Variants in MYO1B observed in about 807,000 individuals in gnomAD.
The protein encoded by MYO1B is unconventional myosin-Ib.
MYO1B carries 72 observed loss-of-function variants against 159.7 expected under a neutral mutation model. The ratio of observed to expected loss-of-function variants is 0.45; its 90% CI spans 0.37 to 0.55. The LOEUF is 0.55. Among genes scored for constraint, MYO1B ranks in the 20% least tolerant of loss-of-function variants. MYO1B has a pLI of 0.00. For missense variants in MYO1B, 1,062 were observed against 1,364.8 expected, an observed-to-expected ratio of 0.78 and a Z score of 3.50; for synonymous variants, 468 against 473.8, an observed-to-expected ratio of 0.99 and a Z score of 0.16.
At chr2:191,284,922 C>G (rs1039652991) in intron 2 of MYO1B, among the ~76,000 whole-genome samples, 1 of 152,164 alleles carries the variant, frequency 6.6e-6, no homozygotes, top group Non-Finnish European at 1.5e-5. Flanking sequence ...GTGTAAGCCA[C>G]CAAGCCTAGC....
intron 26 of MYO1B, among the ~76,000 whole-genome samples, chr2:191,409,852 G>A (rs756291771): frequency 9.2e-5 from 14 of 152,190 alleles, no homozygotes; most frequent in Non-Finnish European, 2.1e-4. Context: ...CAGTTGATAT[G>A]TGGAATGTTA....
chr2:191,415,778 A>G (rs1697526371), intron 29 of MYO1B, among the ~76,000 whole-genome samples: 2 of 152,268 alleles, frequency 1.3e-5, no homozygotes, highest in African/African-American at 4.8e-5. Flanking sequence ...TCAAACCTGA[A>G]TGTGTAAACC....
intron 21 of MYO1B, 120 bp from the exon 22 acceptor site, chr2:191,400,262 T>C: frequency 9.3e-7 from 1 of 1,081,074 alleles, no homozygotes; most frequent in South Asian, 1.3e-5. Context: ...TTCTTTAACC[T>C]GTTGATTTAT....
chr2:191,395,440 G>A (rs1473896851), intron 20 of MYO1B, among the ~76,000 whole-genome samples: 1 of 152,216 alleles, frequency 6.6e-6, no homozygotes, highest in Non-Finnish European at 1.5e-5. Context: ...GCCTGGGAAG[G>A]CATCTCTCCC....
At chr2:191,324,079 G>A (rs182516273) in intron 3 of MYO1B, among the ~76,000 whole-genome samples, 1 of 152,098 alleles carries the variant, frequency 6.6e-6, no homozygotes, top group African/African-American at 2.4e-5. Flanking sequence ...AAAATAAGTT[G>A]TTGTTGTATG....
At chr2:191,364,002 C>A (rs1435297043) in intron 10 of MYO1B, 127 bp downstream of exon 10, 3 of 1,294,930 alleles carry the variant, frequency 2.3e-6, no homozygotes, top group South Asian at 2.4e-5. Context: ...TGAAACTGAG[C>A]AGAAATAGAA....
chr2:191,409,218 ATTTAT>A (rs1697113201), intron 26 of MYO1B, 40 bp downstream of exon 26: 1 of 1,583,810 alleles, frequency 6.3e-7, no homozygotes, highest in Non-Finnish European at 8.6e-7. Context: ...AGACTTTCTT[ATTTAT>A]TTTGAGTGTT....
At chr2:191,333,127 A>T (rs975546924) in intron 4 of MYO1B, among the ~76,000 whole-genome samples, 1 of 152,228 alleles carries the variant, frequency 6.6e-6, no homozygotes, top group East Asian at 1.9e-4. Context: ...CTTACTAAAA[A>T]TTAGTTGATT....
chr2:191,306,485 G>A (rs1270527744), intron 3 of MYO1B, among the ~76,000 whole-genome samples: 1 of 152,148 alleles, frequency 6.6e-6, no homozygotes, highest in Admixed American at 6.5e-5. Context: ...CAGGTAGGAG[G>A]AGAGAGAATA....
At chr2:191,315,635 T>C (rs1348949726) in intron 3 of MYO1B, among the ~76,000 whole-genome samples, 1 of 152,220 alleles carries the variant, frequency 6.6e-6, no homozygotes. Flanking sequence ...AGAAGCAAAG[T>C]TTTCTTTGCC....
Position 191,249,604 on chromosome 2 carries a change from C to A in MYO1B, c.-10+3978C>A, listed in dbSNP as rs117770393. ...CTTTGACACCAAGTACAGGAGCAGA[C>A]TGGAGTTTAACACTTGGCATCATGG... On this transcript the variant is annotated intron_variant, in intron 1 of 30. Transcript: ENST00000392318. Among the ~76,000 whole-genome samples, 95 of 152,362 alleles carry A rather than the reference C, an allele frequency of 6.2e-4. 1 individual carries two copies. The East Asian group carries it at 0.011, about 17-fold the overall frequency.
intron 3 of MYO1B, among the ~76,000 whole-genome samples, chr2:191,324,062 C>G (rs548117762): frequency 3.0e-4 from 45 of 151,946 alleles, no homozygotes; most frequent in African/African-American, 1.0e-3. Context: ...AGTGCAGTGC[C>G]TTAAAAAAAA....
In MYO1B at chr2:191,323,563, G is replaced by A. The variant is rs984581985; in HGVS notation, c.252-6372G>A. Among the ~76,000 whole-genome samples, 8 of 152,238 alleles carry A rather than the reference G, an allele frequency of 5.3e-5. 1 individual carries two copies. Among genetic ancestry groups the A allele is most frequent in the Admixed American group, 4.6e-4 (7 of 15,278 alleles). ...TGACCCATTTTAAAAAATGTGAAAC[G>A]TGGTATATGTTGAGGCTGACCTAAG... On this transcript the variant is annotated intron_variant, in intron 3 of 30. Transcript: ENST00000392318.
intron 3 of MYO1B, among the ~76,000 whole-genome samples, chr2:191,304,427 T>C (rs1380465806): frequency 1.3e-5 from 2 of 152,068 alleles, no homozygotes; most frequent in Non-Finnish European, 2.9e-5. Flanking sequence ...AAAATTAGCC[T>C]GGCGTAGTGG....
intron 16 of MYO1B, among the ~76,000 whole-genome samples, chr2:191,386,777 G>A (rs920055206): frequency 4.0e-5 from 6 of 151,752 alleles, no homozygotes; most frequent in South Asian, 2.1e-4. Flanking sequence ...TTTTATTAGC[G>A]TATATTATTA....
chr2:191,322,057 A>T (rs753634701), intron 3 of MYO1B, among the ~76,000 whole-genome samples: 1 of 152,176 alleles, frequency 6.6e-6, no homozygotes. Flanking sequence ...TTTGTGAGAT[A>T]ACAGCCTGCA....
At chr2:191,373,774 A>G (rs1389441661) in intron 13 of MYO1B, among the ~76,000 whole-genome samples, 4 of 152,230 alleles carry the variant, frequency 2.6e-5, no homozygotes, top group African/African-American at 7.2e-5. Flanking sequence ...GTCTATAGCA[A>G]ATCTTATAAT....
intron 2 of MYO1B, among the ~76,000 whole-genome samples, chr2:191,294,948 C>A (rs1166050562): frequency 1.3e-5 from 2 of 151,820 alleles, no homozygotes; most frequent in African/African-American, 4.8e-5. Flanking sequence ...CTAGAAATAT[C>A]TGACAGTCTT....
intron 26 of MYO1B, among the ~76,000 whole-genome samples, 200 bp downstream of exon 26, chr2:191,409,378 C>T (rs764831308): frequency 4.6e-5 from 7 of 152,178 alleles, no homozygotes; most frequent in East Asian, 1.9e-4. Context: ...CCTGTGCGGT[C>T]GCCTCTCGGC....
Sources: gnomAD v4.1 joint callset for allele counts (sites outside exome capture counted in the v4.1 genomes callset) on GRCh38, gnomAD v4.1.1 for gene constraint, MANE v1.5 for transcripts, NCBI Gene and HGNC (gene_info 2026-07-23, HGNC 2026-07-21) for gene names.